Variants in NOS1AP observed in about 807,000 individuals in gnomAD.
The protein encoded by NOS1AP is nitric oxide synthase 1 adaptor protein.
A neutral mutation model predicts 56.2 loss-of-function variants in NOS1AP; 21 were observed. That is an observed-to-expected ratio of 0.37 (90% CI 0.26 to 0.54). The LOEUF (loss-of-function observed/expected upper bound fraction) is 0.54, where lower values mean the gene tolerates loss of function less well. Ranked by LOEUF, NOS1AP falls within the 20% of genes least tolerant of loss-of-function variation. The probability of loss-of-function intolerance (pLI) is 0.84; values close to 1 mark genes in which losing one functional copy is unlikely to be tolerated. For synonymous variants in NOS1AP, 270 were observed against 274.6 expected (o/e 0.98, Z 0.17); for missense variants, 522 against 657.8 (o/e 0.79, Z 2.26).
chr1:162,367,776 C>T lies in NOS1AP; in HGVS notation c.*309C>T. On this transcript the variant is annotated 3_prime_UTR_variant, in exon 10 of 10. Transcript: ENST00000361897. This position sits in a 1 kb window ranked among gnomAD's most constrained non-coding sequence, Gnocchi z 6.5. ...CAGGACTGCCAGGCTGCTGGAGGACCTGCCCCTACCTGCTGCATCGTCAGG... is the reference window on the plus strand; with the variant it reads ...CAGGACTGCCAGGCTGCTGGAGGACTTGCCCCTACCTGCTGCATCGTCAGG... 1 of 361,206 alleles carries T rather than the reference C, an allele frequency of 2.8e-6. No individual in the cohort carries two copies. Among genetic ancestry groups the T allele is most frequent in the South Asian group, 4.8e-5 (1 of 20,906 alleles). 22.4% of individuals were successfully genotyped at this position (361,206 alleles called of 1,614,324 possible). A position where few individuals can be genotyped will look rare whatever the true frequency, so the allele number is the denominator to read the frequency against.
intron 4 of NOS1AP, among the ~76,000 whole-genome samples, chr1:162,302,487 A>G (rs1403768025): frequency 6.6e-6 from 1 of 152,172 alleles, no homozygotes. Flanking sequence ...TGTAAAAGGA[A>G]GAGTTTCTTG....
At chr1:162,253,806 T>A (rs1653940860) in intron 2 of NOS1AP, among the ~76,000 whole-genome samples, 1 of 152,220 alleles carries the variant, frequency 6.6e-6, no homozygotes, top group Non-Finnish European at 1.5e-5. Context: ...CCACTTTTTT[T>A]CTCTTATAAA....
intron 2 of NOS1AP, among the ~76,000 whole-genome samples, chr1:162,159,433 T>C (rs1282229002): frequency 6.6e-6 from 1 of 152,224 alleles, no homozygotes; most frequent in Non-Finnish European, 1.5e-5. Context: ...GTGCTATTTA[T>C]ATTCATTGGT....
Position 162,357,063 on chromosome 1 carries a change from C to T in NOS1AP, c.866C>T (p.Thr289Ile), listed in dbSNP as rs1657730231. ...CTGGGCACAGAGACACCGCTGTCCACTCACCACCAGATGCAGCTCCTCCAG... is the reference window on the plus strand; with the variant it reads ...CTGGGCACAGAGACACCGCTGTCCATTCACCACCAGATGCAGCTCCTCCAG... ...PGLGTETPLSTHHQMQLLQQL... is the reference protein window; with the variant it reads ...PGLGTETPLSIHHQMQLLQQL... The change falls in exon 8 of 10, where the codon ACT becomes ATT. Residue 289 changes from threonine to isoleucine, a missense_variant. By Grantham distance (89) the Thr-to-Ile change is moderately conservative (BLOSUM62 -1). Transcript: ENST00000361897. The T allele has an allele frequency of 6.2e-7, 1 of 1,613,306 alleles. No homozygotes were observed. Among genetic ancestry groups the T allele is most frequent in the Non-Finnish European group, 8.5e-7 (1 of 1,180,030 alleles).
At chr1:162,244,630 T>A (rs1653598625) in intron 2 of NOS1AP, among the ~76,000 whole-genome samples, 1 of 152,194 alleles carries the variant, frequency 6.6e-6, no homozygotes, top group South Asian at 2.1e-4. Context: ...TATTGCTTTA[T>A]CTAAAGGAGT....
At chr1:162,313,053 C>T (rs528360388) in intron 4 of NOS1AP, among the ~76,000 whole-genome samples, 3 of 152,122 alleles carry the variant, frequency 2.0e-5, no homozygotes, top group Non-Finnish European at 4.4e-5. Context: ...TGGAAGCATT[C>T]CCTTTGAAAA....
At chr1:162,350,736 C>T (rs1291928210) in intron 6 of NOS1AP, among the ~76,000 whole-genome samples, 1 of 152,218 alleles carries the variant, frequency 6.6e-6, no homozygotes, top group Non-Finnish European at 1.5e-5. Flanking sequence ...CTAGAATCCT[C>T]GTGTCGTACA....
At chr1:162,327,198 T>C (rs558461997) in intron 4 of NOS1AP, among the ~76,000 whole-genome samples, 1 of 152,316 alleles carries the variant, frequency 6.6e-6, no homozygotes, top group African/African-American at 2.4e-5. Context: ...GGTTTTTTTC[T>C]TCTCAAGTAG....
At chr1:162,261,502 G>GGGGA in intron 2 of NOS1AP, among the ~76,000 whole-genome samples, 1 of 6,896 alleles carries the variant, frequency 1.5e-4, no homozygotes, top group Non-Finnish European at 3.7e-4. Context: ...GAGAGAGAGA[G>GGGGA]AGAGAGAGAG....
intron 2 of NOS1AP, among the ~76,000 whole-genome samples, chr1:162,155,105 T>C (rs12121549): frequency 0.99 from 149,981 of 151,576 alleles, 74,223 homozygotes; most frequent in East Asian, 1. Flanking sequence ...TTGATTAGGG[T>C]ATTCGAGGGT....
rs2101834532 is a variant in NOS1AP, at chr1:162,368,458, AG to A, written c.*992del. ...TACTGCAAAAAAAAAAAAAGAAAAA[AG>A]AGAAAGAAAAAAAAGAATGAATGCA... On this transcript the variant is annotated 3_prime_UTR_variant, in exon 10 of 10. Transcript: ENST00000361897. 6.6e-6 allele frequency: 1 copy of A among 151,586 alleles called. No individual in the cohort carries two copies. The highest frequency in any genetic ancestry group is 2.1e-4 in the South Asian group (1 of 4,816). The allele number at this position is 151,586 out of a possible 1,614,324, so 9.4% of individuals were successfully genotyped here.
intron 2 of NOS1AP, among the ~76,000 whole-genome samples, chr1:162,260,280 C>T (rs962703862): frequency 1.3e-5 from 2 of 152,150 alleles, no homozygotes; most frequent in African/African-American, 4.8e-5. Flanking sequence ...AAATACATCC[C>T]TCCTTCACAG....
chr1:162,196,137 A>G (rs1025389486), intron 2 of NOS1AP, among the ~76,000 whole-genome samples: 3 of 152,186 alleles, frequency 2.0e-5, no homozygotes, highest in Non-Finnish European at 4.4e-5. Flanking sequence ...TTCTGTATCT[A>G]TACACTCTCT....
At chr1:162,287,308 G>T in intron 2 of NOS1AP, 36 bp from the exon 3 acceptor site, 1 of 1,459,906 alleles carries the variant, frequency 6.8e-7, no homozygotes, top group Non-Finnish European at 9.6e-7. Context: ...GATCTCATCA[G>T]ATTGCACTTT....
At chr1:162,237,339 A>T (rs1442850987) in intron 2 of NOS1AP, among the ~76,000 whole-genome samples, 2 of 152,234 alleles carry the variant, frequency 1.3e-5, no homozygotes, top group Non-Finnish European at 2.9e-5. Context: ...GGCCTTGGGA[A>T]GGCAGGACAC....
chr1:162,338,099 G>A (rs1365419259), intron 5 of NOS1AP, among the ~76,000 whole-genome samples: 1 of 152,162 alleles, frequency 6.6e-6, no homozygotes, highest in Non-Finnish European at 1.5e-5. Context: ...TGGCAGTTAA[G>A]GTCAAGACAA....
chr1:162,155,267 C>CATACATATATATAT, intron 2 of NOS1AP, among the ~76,000 whole-genome samples: 1 of 142,270 alleles, frequency 7.0e-6, no homozygotes, highest in East Asian at 2.1e-4. Context: ...TATATATATA[C>CATACATATATATAT]ACATACATAT....
intron 5 of NOS1AP, among the ~76,000 whole-genome samples, chr1:162,339,737 G>A (rs1657048477): frequency 6.6e-6 from 1 of 152,242 alleles, no homozygotes. Context: ...GTTGAAGGCA[G>A]AACCAGTTTT....
At chr1:162,138,361 G>A (rs934521688) in intron 1 of NOS1AP, among the ~76,000 whole-genome samples, 3 of 152,154 alleles carry the variant, frequency 2.0e-5, no homozygotes, top group Middle Eastern at 3.2e-3. Flanking sequence ...TGGCCCAAGA[G>A]GATAAGACTT....
Sources: gnomAD v4.1 joint callset for allele counts (sites outside exome capture counted in the v4.1 genomes callset) on GRCh38, gnomAD v4.1.1 for gene constraint, Gnocchi (gnomAD v3.1) non-coding constraint, MANE v1.5 for transcripts, NCBI Gene and HGNC (gene_info 2026-07-23, HGNC 2026-07-21) for gene names.